Variants in ATG7 observed in about 807,000 individuals in gnomAD.
ATG7 encodes ubiquitin-like modifier-activating enzyme ATG7.
In ATG7, 70 loss-of-function variants were observed where a neutral mutation model predicts 82.4. That is an observed-to-expected ratio of 0.85 (90% CI 0.70 to 1.04). The LOEUF is 1.04. Ranked by LOEUF, ATG7 falls within the 50% of genes least tolerant of loss-of-function variation. The pLI is 0.00. For missense variants in ATG7, 792 were observed against 864.3 expected (o/e 0.92, Z 1.05); for synonymous variants, 287 against 313.0 (o/e 0.92, Z 0.88).
rs1314560954 is a variant in ATG7, at chr3:11,556,681, A to G, written c.*1838A>G. On this transcript the variant is annotated 3_prime_UTR_variant, in exon 21 of 21. Transcript: ENST00000693202. ...GGAAAGGGAAAAATTAAATAGCTAC[A>G]TATCATTAACAAATTAATGTTCTTC... 6.5e-6 allele frequency: 1 copy of G among 152,788 alleles called. No homozygotes were observed. Among genetic ancestry groups the G allele is most frequent in the African/African-American group, 2.4e-5 (1 of 41,464 alleles). 9.5% of individuals were successfully genotyped at this position (152,788 alleles called of 1,614,324 possible).
downstream of ATG7, chr3:11,558,572 G>T (rs1485935279): frequency 5.6e-6 from 9 of 1,602,804 alleles, no homozygotes; most frequent in East Asian, 2.2e-5. Context: ...GACCACAGAG[G>T]GGGAGTGACT....
chr3:11,385,607 A>T (rs2078263281), intron 19 of ATG7, among the ~76,000 whole-genome samples: 1 of 152,194 alleles, frequency 6.6e-6, no homozygotes, highest in Non-Finnish European at 1.5e-5. Flanking sequence ...GAAATGCCCT[A>T]CAGCAAGGTC....
At chr3:11,378,025 C>T (rs1175755341) in intron 18 of ATG7, among the ~76,000 whole-genome samples, 1 of 39,828 alleles carries the variant, frequency 2.5e-5, no homozygotes, top group South Asian at 1.4e-3. Flanking sequence ...TACCAGTTAC[C>T]AATTTTTTTT....
intron 9 of ATG7, among the ~76,000 whole-genome samples, chr3:11,321,968 G>T (rs1191011889): frequency 6.6e-6 from 1 of 152,156 alleles, no homozygotes; most frequent in Non-Finnish European, 1.5e-5. Context: ...CATAAGAGAA[G>T]CCCCTCCTGA....
chr3:11,358,537 T>G lies in ATG7; in HGVS notation c.1404T>G (p.His468Gln), dbSNP rs2076081538. 6.2e-7 allele frequency: 1 copy of G among 1,614,002 alleles called. No individual in the cohort carries two copies. The highest frequency in any genetic ancestry group is 8.5e-7 in the Non-Finnish European group (1 of 1,179,998). Residue 468 changes from histidine to glutamine, a missense_variant, in exon 15 of 21, where the codon CAT becomes CAG. Coordinates refer to ENST00000693202, the MANE Select transcript of ATG7 (RefSeq NM_001349232.2). ...AACTGGAGCAGCTCATCGAAAGCCATGATGTCGTCTTCCTATTGATGGACA... is the reference window on the plus strand; with the variant it reads ...AACTGGAGCAGCTCATCGAAAGCCAGGATGTCGTCTTCCTATTGATGGACA... ...VEQLEQLIES[H>Q]DVVFLLMDTR...
At chr3:11,294,669 T>C (rs1234954923) in intron 3 of ATG7, among the ~76,000 whole-genome samples, 1 of 152,224 alleles carries the variant, frequency 6.6e-6, no homozygotes, top group Non-Finnish European at 1.5e-5. Context: ...GCCAGTGACC[T>C]AGGCTTCAAA....
At chr3:11,305,264 G>A (rs989143914) in intron 5 of ATG7, among the ~76,000 whole-genome samples, 1 of 152,184 alleles carries the variant, frequency 6.6e-6, no homozygotes, top group East Asian at 1.9e-4. Context: ...TGAAGCTTCC[G>A]ATTGTCCTGG....
Position 11,395,075 on chromosome 3 carries a change from C to T in ATG7, c.1956+15023C>T, listed in dbSNP as rs534473374. ...ATTGGGGACTGGAAACTCTAAAATA[C>T]GGCTTTCCAGATTTAAAAAACTGAA... On this transcript the variant is annotated intron_variant, in intron 19 of 20. Coordinates refer to ENST00000693202, the MANE Select transcript of ATG7 (RefSeq NM_001349232.2). Among the ~76,000 whole-genome samples the T allele has an allele frequency of 1.4e-3, 210 of 152,176 alleles. 1 individual carries two copies. The highest frequency in any genetic ancestry group is 5.2e-3 in the South Asian group (25 of 4,820).
chr3:11,349,203 G>A (rs1955071820), intron 14 of ATG7, among the ~76,000 whole-genome samples: 1 of 150,816 alleles, frequency 6.6e-6, no homozygotes, highest in Non-Finnish European at 1.5e-5. Context: ...GTGCTGACTG[G>A]TGCATTTACA....
At chr3:11,393,223 T>C (rs992274380) in intron 19 of ATG7, among the ~76,000 whole-genome samples, 2 of 152,154 alleles carry the variant, frequency 1.3e-5, no homozygotes, top group African/African-American at 2.4e-5. Flanking sequence ...CCAACACATA[T>C]ATATATTGAA....
the ATG7 span, among the ~76,000 whole-genome samples, chr3:11,562,736 C>T: frequency 6.6e-6 from 1 of 152,388 alleles, no homozygotes; most frequent in Admixed American, 6.5e-5. Context: ...GAGGGCAGGA[C>T]TGACCAACCC....
At chr3:11,561,559 A>G (rs1402138331), downstream of ATG7, among the ~76,000 whole-genome samples, 8 of 152,174 alleles carry the variant, frequency 5.3e-5, no homozygotes, top group Non-Finnish European at 1.2e-4. Flanking sequence ...AGCTGGAGTC[A>G]GGCATCTTGC....
intron 9 of ATG7, among the ~76,000 whole-genome samples, chr3:11,325,401 G>T (rs1245861658): frequency 1.3e-5 from 2 of 152,214 alleles, no homozygotes; most frequent in African/African-American, 4.8e-5. Context: ...GCCAGGCGTG[G>T]TGGCTCACGC....
intron 20 of ATG7, among the ~76,000 whole-genome samples, chr3:11,518,043 C>T (rs1383850318): frequency 1.3e-5 from 2 of 152,126 alleles, no homozygotes; most frequent in East Asian, 3.9e-4. Flanking sequence ...ATAGAATGTA[C>T]AGGCTCTGGT....
At chr3:11,392,449 G>T (rs962644922) in intron 19 of ATG7, among the ~76,000 whole-genome samples, 4 of 142,652 alleles carry the variant, frequency 2.8e-5, no homozygotes, top group Admixed American at 1.4e-4. Context: ...GGTGGTTTTG[G>T]GGAAATCATT....
intron 3 of ATG7, among the ~76,000 whole-genome samples, chr3:11,283,997 A>G (rs545014888): frequency 1.3e-5 from 2 of 152,202 alleles, no homozygotes; most frequent in Admixed American, 6.5e-5. Flanking sequence ...ACTAAAACAC[A>G]CAGAAAAATC....
chr3:11,315,103 A>G (rs1949212648), intron 8 of ATG7, among the ~76,000 whole-genome samples: 1 of 152,178 alleles, frequency 6.6e-6, no homozygotes, highest in South Asian at 2.1e-4. Flanking sequence ...GGGAACTACC[A>G]TGTTGTAGTC....
At chr3:11,520,625 AG>A (rs2092416612) in intron 20 of ATG7, among the ~76,000 whole-genome samples, 5 of 152,148 alleles carry the variant, frequency 3.3e-5, no homozygotes, top group Admixed American at 3.3e-4. Flanking sequence ...TGTGGGTGAA[AG>A]CAGGGCCTCA....
At chr3:11,310,352 C>G (rs969642969) in intron 7 of ATG7, among the ~76,000 whole-genome samples, 4 of 152,026 alleles carry the variant, frequency 2.6e-5, no homozygotes, top group African/African-American at 9.7e-5. Context: ...ATCCTCTTTC[C>G]CACTTCTTTT....
Sources: allele counts gnomAD v4.1 joint callset (sites outside exome capture counted in the v4.1 genomes callset), GRCh38; gene constraint gnomAD v4.1.1; transcripts MANE v1.5; gene names NCBI Gene and HGNC (gene_info 2026-07-23, HGNC 2026-07-21).